The following TLR1 variants were observed in gnomAD, a reference collection of about 807,000 sequenced individuals.
The protein encoded by TLR1 is toll like receptor 1.
Under a neutral mutation model 20.2 loss-of-function variants are expected in TLR1, and 19 were observed. The ratio of observed to expected loss-of-function variants is 0.94; its 90% CI spans 0.66 to 1.38. The LOEUF (loss-of-function observed/expected upper bound fraction) is 1.38, where lower values mean the gene tolerates loss of function less well. Among genes scored for constraint, TLR1 ranks in the 40% most tolerant of loss-of-function variants. The probability of loss-of-function intolerance (pLI) is 0.00; values close to 1 mark genes in which losing one functional copy is unlikely to be tolerated. For synonymous variants in TLR1, 320 were observed against 334.5 expected (o/e 0.96, Z 0.47); for missense variants, 921 against 910.0 (o/e 1.01, Z -0.16).
At chr4:38,795,566 G>A (rs928136468), downstream of TLR1, among the ~76,000 whole-genome samples, 2 of 152,166 alleles carry the variant, frequency 1.3e-5, no homozygotes, top group African/African-American at 4.8e-5. Context: ...GAATCTCAGC[G>A]AGATCTCCAG....
rs1457539507 is a variant in TLR1, at chr4:38,800,930, A to G, written c.-141T>C. 6.6e-6 allele frequency: 1 copy of G among 152,548 alleles called. No homozygotes were observed. Among genetic ancestry groups the G allele is most frequent in the Non-Finnish European group, 1.5e-5 (1 of 68,034 alleles). The allele number at this position is 152,548 out of a possible 1,614,324, so 9.4% of individuals were successfully genotyped here. A position where few individuals can be genotyped will look rare whatever the true frequency, so the allele number is the denominator to read the frequency against. ...ACGAGGAAGAGGGCCTGGTACCCCT[A>G]TTAGTGTTCATGAAGACCCTGAGCA... On this transcript the variant is annotated 5_prime_UTR_variant, in exon 3 of 4. Coordinates refer to ENST00000308979, the MANE Select transcript of TLR1 (RefSeq NM_003263.4).
Position 38,796,328 on chromosome 4 carries a change from T to A in TLR1, c.*143A>T, listed in dbSNP as rs537029415. The stretch of plus-strand genomic sequence containing the variant: ...TTAATACCACATATAAATGGTGAAC[T>A]GCGACCCGAAGGTATATATTTTTAC... On this transcript the variant is annotated 3_prime_UTR_variant, in exon 4 of 4. Coordinates refer to ENST00000308979, the MANE Select transcript of TLR1 (RefSeq NM_003263.4). 2.3e-6 allele frequency: 2 copies of A among 865,110 alleles called. No homozygotes were observed. The highest frequency in any genetic ancestry group is 5.3e-5 in the East Asian group (2 of 37,596). The allele number at this position is 865,110 out of a possible 1,614,324, so 53.6% of individuals were successfully genotyped here.
intron 2 of TLR1, among the ~76,000 whole-genome samples, chr4:38,802,681 C>T (rs1195236546): frequency 6.6e-6 from 1 of 152,220 alleles, no homozygotes; most frequent in East Asian, 1.9e-4. Flanking sequence ...TCCTTTCGTT[C>T]CTGATCTAAA....
At position 38,796,396 on chromosome 4, in the gene TLR1, C is replaced by G; in HGVS notation, c.*75G>C. 6.6e-7 allele frequency: 1 copy of G among 1,506,390 alleles called. No homozygotes were observed. The highest frequency in any genetic ancestry group is 1.8e-4 in the Middle Eastern group (1 of 5,646). The allele number at this position is 1,506,390 out of a possible 1,614,324, so 93.3% of individuals were successfully genotyped here. On this transcript the variant is annotated 3_prime_UTR_variant, in exon 4 of 4. Transcript: ENST00000308979. ...AATTGTGTTTACATCTATGCTGATGCAAAATAAAGTCATTGTTGGAACTTC... is the reference window on the plus strand; with the variant it reads ...AATTGTGTTTACATCTATGCTGATGGAAAATAAAGTCATTGTTGGAACTTC...
rs1579206641 is a variant in TLR1 at position 38,798,429 on chromosome 4, A to C, written c.403T>G (p.Phe135Val). ...AFDALPICKE[F>V]GNMSQLKFLG... ...AATTTTAGTTGAGACATATTGCCAA[A>C]CTCTTTGCATATAGGCAGGGCATCA... The change falls in exon 4 of 4, where the codon TTT becomes GTT. Residue 135 changes from phenylalanine (F) to valine (V), a missense_variant. Phe to Val is a conservative substitution (Grantham distance 50). Transcript: ENST00000308979. 1 of 1,613,536 alleles carries C rather than the reference A, an allele frequency of 6.2e-7. No homozygotes were observed. The highest frequency in any genetic ancestry group is 2.2e-5 in the East Asian group (1 of 44,880).
In TLR1 at chr4:38,796,757, T is replaced by C. The variant is rs1424835911; in HGVS notation, c.2075A>G (p.Lys692Arg). The C allele has an allele frequency of 1.2e-6, 2 of 1,614,218 alleles. No homozygotes were observed. The highest frequency in any genetic ancestry group is 1.7e-6 in the Non-Finnish European group (2 of 1,180,034). The change falls in exon 4 of 4, where the codon AAG (lysine) becomes AGG (arginine). Residue 692 changes from lysine to arginine, a missense_variant. Lys to Arg is a conservative substitution (Grantham distance 26). Transcript: ENST00000308979. The part of the protein sequence containing the change: ...NIITCIEKSY[K>R]SIFVLSPNFV... Reference sequence around the variant, plus strand: ...GTTGGGAGACAAAACAAAGATGGACTTGTAACTCTTCTCAATGCAGGTGAT... The same window carrying C: ...GTTGGGAGACAAAACAAAGATGGACCTGTAACTCTTCTCAATGCAGGTGAT...
downstream of TLR1, among the ~76,000 whole-genome samples, chr4:38,792,853 T>TTA (rs72518392): frequency 0.035 from 4,249 of 122,054 alleles, 328 homozygotes; most frequent in East Asian, 0.16. Context: ...TATTTTCAAA[T>TTA]TATATATATA....
At chr4:38,800,510 A>T (rs5743600) in intron 3 of TLR1, 5,831 of 152,338 alleles carry the variant, frequency 0.038, 162 homozygotes, top group African/African-American at 0.073. Context: ...TGCTCTAGCT[A>T]AGACACCATT....
chr4:38,790,631 C>T (rs780315556), downstream of TLR1: 2 of 151,882 alleles, frequency 1.3e-5, no homozygotes, highest in African/African-American at 2.4e-5. Flanking sequence ...GGGATTTCTC[C>T]GTCTTATTAT....
rs1020634698 is a variant in TLR1, at chr4:38,797,936, A to G, written c.896T>C (p.Leu299Ser). 2.5e-6 allele frequency: 4 copies of G among 1,614,082 alleles called. No individual in the cohort carries two copies. Among genetic ancestry groups the G allele is most frequent in the African/African-American group, 2.7e-5 (2 of 74,942 alleles). Residue 299 changes from leucine to serine, a missense_variant, in exon 4 of 4, where the codon TTG becomes TCG. Physicochemically the swap from Leu to Ser is moderately radical, Grantham distance 145 (BLOSUM62 -2). Transcript: ENST00000308979. ...AACTTGGTGTATAGACAAGGCCTTC[A>G]AGGAAGTGCCAGAATAATCAAAATC... The part of the protein sequence containing the change: ...FRDFDYSGTS[L>S]KALSIHQVVS...
chr4:38,789,927 T>C (rs1725679092), downstream of TLR1, among the ~76,000 whole-genome samples: 1 of 152,236 alleles, frequency 6.6e-6, no homozygotes. Flanking sequence ...ATGATTATGC[T>C]TTTTGGTTTT....
chr4:38,800,231 C>T (rs1025494783), intron 3 of TLR1, among the ~76,000 whole-genome samples: 7 of 151,944 alleles, frequency 4.6e-5, no homozygotes, highest in South Asian at 2.1e-4. Flanking sequence ...TGAGAAGGAA[C>T]GGGAAGGTCA....
intron 3 of TLR1, among the ~76,000 whole-genome samples, chr4:38,799,676 G>T (rs1276720329): frequency 6.6e-6 from 1 of 152,190 alleles, no homozygotes; most frequent in Non-Finnish European, 1.5e-5. Context: ...ATCTCCCCAT[G>T]ACTTTCTCAA....
At position 38,798,675 on chromosome 4, in the gene TLR1, A is replaced by G. The variant is rs1344377483; in HGVS notation, c.157T>C (p.Ser53Pro). The change falls in exon 4 of 4, where the codon TCG (serine) becomes CCG (proline). Residue 53 changes from serine (S) to proline (P), a missense_variant. Physicochemically the swap from Ser to Pro is moderately conservative, Grantham distance 74 (BLOSUM62 -1). Coordinates refer to ENST00000308979, the MANE Select transcript of TLR1 (RefSeq NM_003263.4). ...LSQKTTILNI[S>P]QNYISELWTS... ...CAAAGCTCAGATATATAATTTTGCG[A>G]TATATTTAAGATTGTTGTTTTCTGG... 2 of 1,614,040 alleles carry G rather than the reference A, an allele frequency of 1.2e-6. No individual in the cohort carries two copies. Among genetic ancestry groups the G allele is most frequent in the East Asian group, 4.5e-5 (2 of 44,876 alleles).
At position 38,797,804 on chromosome 4, in the gene TLR1, C is replaced by A. The variant is rs1161702914; in HGVS notation, c.1028G>T (p.Cys343Phe). The A allele has an allele frequency of 1.9e-6, 3 of 1,614,086 alleles. No individual in the cohort carries two copies. The highest frequency in any genetic ancestry group is 3.3e-5 in the Admixed American group (2 of 60,008). Residue 343 changes from cysteine to phenylalanine, a missense_variant, in exon 4 of 4, where the codon TGC (cysteine) becomes TTC (phenylalanine). Coordinates refer to ENST00000308979, the MANE Select transcript of TLR1 (RefSeq NM_003263.4). ...VSGTRMVHML[C>F]PSKISPFLHL... ...CAGGAACGGGCTAATTTTGGATGGGCAAAGCATGTGGACCATGCGTGTACC... is the reference window on the plus strand; with the variant it reads ...CAGGAACGGGCTAATTTTGGATGGGAAAAGCATGTGGACCATGCGTGTACC...
rs752511598 is a variant in TLR1 at position 38,796,960 on chromosome 4, C to T, written c.1872G>A (p.Arg624=). The part of the protein sequence containing the change: ...CQWTQTRRRA[R]NIPLEELQRN... ...TTTGGAGTTCTTCTAAGGGTATGTT[C>T]CTGGCCCTGCGCCGGGTCTGGGTCC... The change falls in exon 4 of 4, where the codon AGG becomes AGA. Residue 624 remains arginine, a synonymous_variant. Transcript: ENST00000308979. 3 of 1,614,204 alleles carry T rather than the reference C, an allele frequency of 1.9e-6. No homozygotes were observed. Among genetic ancestry groups the T allele is most frequent in the South Asian group, 1.1e-5 (1 of 91,088 alleles).
downstream of TLR1, among the ~76,000 whole-genome samples, chr4:38,793,098 A>G (rs577795874): frequency 1.6e-3 from 236 of 152,146 alleles, 2 homozygotes; most frequent in African/African-American, 5.6e-3. Flanking sequence ...GTTATACATT[A>G]GAAGAGCATT....
At position 38,796,539 on chromosome 4, in the gene TLR1, G is replaced by A. The variant is rs542161166; in HGVS notation, c.2293C>T (p.Arg765Cys). The A allele has an allele frequency of 1.3e-5, 21 of 1,614,144 alleles. No individual in the cohort carries two copies. Among genetic ancestry groups the A allele is most frequent in the African/African-American group, 8.0e-5 (6 of 75,024 alleles). The change falls in exon 4 of 4, where the codon CGT (arginine) becomes TGT (cysteine). Residue 765 changes from arginine (R) to cysteine (C), a missense_variant. Arg to Cys is a radical substitution (Grantham distance 180). Coordinates refer to ENST00000308979, the MANE Select transcript of TLR1 (RefSeq NM_003263.4). ...YLEWPKEKSK[R>C]GLFWANLRAA... is the part of the protein sequence containing the mutation. The stretch of plus-strand genomic sequence containing the variant: ...CTTAAGTTAGCCCAAAAAAGGCCAC[G>A]TTTGCTCTTTTCCTTGGGCCATTCC...
chr4:38,799,375 G>C (rs1726474686), intron 3 of TLR1, among the ~76,000 whole-genome samples: 2 of 152,180 alleles, frequency 1.3e-5, no homozygotes, highest in African/African-American at 4.8e-5. Flanking sequence ...AAGGCCTTGT[G>C]ACAGTGGAGG....
Sources: gnomAD v4.1 joint callset for allele counts (sites outside exome capture counted in the v4.1 genomes callset) on GRCh38, gnomAD v4.1.1 for gene constraint, MANE v1.5 for transcripts, NCBI Gene and HGNC (gene_info 2026-07-23, HGNC 2026-07-21) for gene names.